NMU: variants seen among roughly 807,000 people sequenced by gnomAD.
The protein encoded by NMU is neuromedin-U.
In NMU, 29 loss-of-function variants were observed where a neutral mutation model predicts 35.4. That is an observed-to-expected ratio of 0.82 (90% CI 0.61 to 1.12). The LOEUF (loss-of-function observed/expected upper bound fraction) is 1.12, where lower values mean the gene tolerates loss of function less well. NMU is among the 50% of genes most tolerant of loss of function. The pLI is 0.00. For missense variants in NMU, 199 were observed against 206.2 expected, an observed-to-expected ratio of 0.97 and a Z score of 0.21; for synonymous variants, 78 against 81.3, an observed-to-expected ratio of 0.96 and a Z score of 0.22.
chr4:55,620,022 C>T (rs1194578376), intron 2 of NMU, among the ~76,000 whole-genome samples: 2 of 148,716 alleles, frequency 1.3e-5, no homozygotes, highest in African/African-American at 2.5e-5. Context: ...TGTATATCAC[C>T]ATCATCAAAG....
intron 7 of NMU, 55 bp downstream of exon 7, chr4:55,605,220 G>C: frequency 8.3e-7 from 1 of 1,199,790 alleles, no homozygotes; most frequent in Admixed American, 1.7e-5. Flanking sequence ...GGAATTAACA[G>C]AAAGGGCTGC....
Position 55,607,417 on chromosome 4 carries a change from A to G in NMU, c.309+20T>C, listed in dbSNP as rs368401009. On this transcript the variant is annotated intron_variant, in intron 5 of 9. Transcript: ENST00000264218. Reference sequence around the variant, plus strand: ...TCCCTTATTATTTTATAAGGTATAGATGTATGAAAATCATCTTACCCTTTT... The same window carrying G: ...TCCCTTATTATTTTATAAGGTATAGGTGTATGAAAATCATCTTACCCTTTT... 8.6e-5 allele frequency: 101 copies of G among 1,180,644 alleles called. No individual in the cohort carries two copies. The highest frequency in any genetic ancestry group is 1.2e-4 in the Non-Finnish European group (92 of 796,178). The allele number at this position is 1,180,644 out of a possible 1,614,324, so 73.1% of individuals were successfully genotyped here.
chr4:55,607,437 C>A lies in NMU; in HGVS notation c.309G>T (p.Arg103Ser), dbSNP rs757479424. 2.8e-6 allele frequency: 3 copies of A among 1,052,956 alleles called. No individual in the cohort carries two copies. Among genetic ancestry groups the A allele is most frequent in the Non-Finnish European group, 4.4e-6 (3 of 688,228 alleles). The allele number at this position is 1,052,956 out of a possible 1,614,324, so 65.2% of individuals were successfully genotyped here. A position where few individuals can be genotyped will look rare whatever the true frequency, so the allele number is the denominator to read the frequency against. ...TATAGATGTATGAAAATCATCTTAC[C>A]CTTTTAGTATTATCTTTTTCATCTT... ...QEQDEKDNTK[R>S]FLFHYSKTQK... The change falls in exon 5 of 10, where the codon AGG becomes AGT. Residue 103 changes from arginine to serine, a missense_variant and splice_region_variant. By Grantham distance (110) the Arg-to-Ser change is moderately radical. Transcript: ENST00000264218.
At chr4:55,627,395 G>T (rs1047648282) in intron 2 of NMU, among the ~76,000 whole-genome samples, 1 of 148,888 alleles carries the variant, frequency 6.7e-6, no homozygotes, top group African/African-American at 2.5e-5. Context: ...AAATTTTAAA[G>T]TTTTTTTTTT....
At chr4:55,603,527 A>G (rs1232848999) in intron 7 of NMU, among the ~76,000 whole-genome samples, 1 of 152,048 alleles carries the variant, frequency 6.6e-6, no homozygotes, top group Non-Finnish European at 1.5e-5. Flanking sequence ...TAATACTTGT[A>G]TAAGTACTAA....
chr4:55,598,248 C>A (rs1733281223), intron 9 of NMU, among the ~76,000 whole-genome samples: 1 of 152,024 alleles, frequency 6.6e-6, no homozygotes, highest in Non-Finnish European at 1.5e-5. Context: ...TGCACCACCA[C>A]ATCTGGCTAA....
rs547234503 is a variant in NMU, at chr4:55,624,143, G to A, written c.171+6259C>T. Reference sequence around the variant, plus strand: ...TCATGACTAAACACCAAAAGCAATGGCAACAAAAGCCAAAATTGACAAATG... The same window carrying A: ...TCATGACTAAACACCAAAAGCAATGACAACAAAAGCCAAAATTGACAAATG... On this transcript the variant is annotated intron_variant, in intron 2 of 9. Coordinates refer to ENST00000264218, the MANE Select transcript of NMU (RefSeq NM_006681.4). 9.0e-3 allele frequency among the ~76,000 whole-genome samples: 1,354 copies of A among 150,460 alleles called. 27 individuals carry two copies. Among genetic ancestry groups the A allele is most frequent in the African/African-American group, 0.032 (1,305 of 41,010 alleles).
intron 9 of NMU, among the ~76,000 whole-genome samples, chr4:55,597,494 G>A (rs773217870): frequency 6.6e-6 from 1 of 151,762 alleles, no homozygotes; most frequent in South Asian, 2.1e-4. Flanking sequence ...TCAGCCTCCC[G>A]AGTAGCTGGG....
At chr4:55,610,322 G>T (rs1733875407) in intron 3 of NMU, among the ~76,000 whole-genome samples, 1 of 152,016 alleles carries the variant, frequency 6.6e-6, no homozygotes, top group Non-Finnish European at 1.5e-5. Flanking sequence ...AATTAGCCGG[G>T]CATGTTAGCA....
At chr4:55,630,010 G>A (rs1734693434) in intron 2 of NMU, among the ~76,000 whole-genome samples, 1 of 149,204 alleles carries the variant, frequency 6.7e-6, no homozygotes. Context: ...GTTTATATTT[G>A]CTTGCTATAT....
At chr4:55,620,059 T>C (rs1218066654) in intron 2 of NMU, among the ~76,000 whole-genome samples, 4 of 140,038 alleles carry the variant, frequency 2.9e-5, no homozygotes, top group South Asian at 2.5e-4. Flanking sequence ...ACCACAAAGA[T>C]GGGGAAAAAA....
intron 2 of NMU, among the ~76,000 whole-genome samples, chr4:55,619,084 G>C (rs997545743): frequency 2.0e-5 from 3 of 151,982 alleles, no homozygotes. Flanking sequence ...ACCCAGGCTG[G>C]TCTTGAACTT....
intron 2 of NMU, among the ~76,000 whole-genome samples, chr4:55,629,955 T>C (rs1734691305): frequency 6.6e-6 from 1 of 152,178 alleles, no homozygotes; most frequent in Non-Finnish European, 1.5e-5. Context: ...TTGTCTGTTA[T>C]GATGGTTCAT....
intron 3 of NMU, among the ~76,000 whole-genome samples, chr4:55,610,246 T>C (rs1733873324): frequency 6.6e-6 from 1 of 152,096 alleles, no homozygotes; most frequent in Admixed American, 6.5e-5. Context: ...ATGGATCACC[T>C]GAGGTCAGGA....
chr4:55,629,262 T>C (rs1295996045), intron 2 of NMU, among the ~76,000 whole-genome samples: 1 of 152,140 alleles, frequency 6.6e-6, no homozygotes, highest in African/African-American at 2.4e-5. Flanking sequence ...TTTTAAACAA[T>C]AGTTCTGTCT....
At chr4:55,600,026 T>C (rs1733359987) in intron 8 of NMU, among the ~76,000 whole-genome samples, 1 of 152,162 alleles carries the variant, frequency 6.6e-6, no homozygotes, top group Non-Finnish European at 1.5e-5. Context: ...AAAGTGTAGC[T>C]GCCTAGAAAA....
rs10588154 is a variant in NMU, at chr4:55,598,089, G to GTTT, written c.*4+1050_*4+1052dup. 5.6e-3 allele frequency among the ~76,000 whole-genome samples: 482 copies of GTTT among 85,342 alleles called. 3 individuals are homozygous for GTTT. Among genetic ancestry groups the GTTT allele is most frequent in the Middle Eastern group, 0.023 (2 of 88 alleles). 56.0% of individuals were successfully genotyped at this position (85,342 alleles called of 152,430 possible). A position where few individuals can be genotyped will look rare whatever the true frequency, so the allele number is the denominator to read the frequency against. On this transcript the variant is annotated intron_variant, in intron 9 of 9. Transcript: ENST00000264218. ...CTTTGTTGTTGTTGTTTTGGTTGTGGTTTTTTTTTTTTTTTTTTTTTGTGA... is the reference window on the plus strand; with the variant it reads ...CTTTGTTGTTGTTGTTTTGGTTGTGGTTTTTTTTTTTTTTTTTTTTTTTTGTGA...
chr4:55,613,878 G>A (rs562973794), intron 3 of NMU, among the ~76,000 whole-genome samples: 4 of 152,100 alleles, frequency 2.6e-5, no homozygotes, highest in South Asian at 4.2e-4. Context: ...GCCAGCCAGC[G>A]ACCACCAAGC....
chr4:55,599,310 T>C (rs2110180145), intron 8 of NMU, 129 bp from the exon 9 acceptor site: 2 of 734,944 alleles, frequency 2.7e-6, no homozygotes, highest in East Asian at 2.7e-5. Flanking sequence ...TTTTACAACA[T>C]AGACTGCTGG....
Sources: allele counts gnomAD v4.1 joint callset (sites outside exome capture counted in the v4.1 genomes callset), GRCh38; gene constraint gnomAD v4.1.1; transcripts MANE v1.5; gene names NCBI Gene and HGNC (gene_info 2026-07-23, HGNC 2026-07-21).